Variants in PDE8B observed in about 807,000 individuals in gnomAD.
The protein encoded by PDE8B is high affinity cAMP-specific and IBMX-insensitive 3',5'-cyclic phosphodiesterase 8B.
A neutral mutation model predicts 101.3 loss-of-function variants in PDE8B; 26 were observed. The ratio of observed to expected loss-of-function variants is 0.26; its 90% CI spans 0.19 to 0.36. PDE8B has a LOEUF of 0.36. PDE8B is among the 10% of genes least tolerant of loss of function. The pLI is 1.00. For synonymous variants in PDE8B, 424 were observed against 429.3 expected, an observed-to-expected ratio of 0.99 and a Z score of 0.15; for missense variants, 810 against 1,163.1, an observed-to-expected ratio of 0.70 and a Z score of 4.42.
the PDE8B span, among the ~76,000 whole-genome samples, chr5:77,195,699 A>G: frequency 6.6e-6 from 1 of 152,198 alleles, no homozygotes; most frequent in African/African-American, 2.4e-5. Context: ...CATATTTTGC[A>G]TGTTATATAT....
chr5:77,178,676 G>C, the PDE8B span, among the ~76,000 whole-genome samples: 1 of 152,112 alleles, frequency 6.6e-6, no homozygotes, highest in East Asian at 1.9e-4. Flanking sequence ...GTTTCTGTGG[G>C]TCAGAGCCTG....
intron 1 of PDE8B, among the ~76,000 whole-genome samples, chr5:77,264,363 C>A (rs571901129): frequency 3.8e-4 from 58 of 152,270 alleles, no homozygotes; most frequent in African/African-American, 1.3e-3. Context: ...ACAGTTGTAC[C>A]ATTTTATATT....
rs144774158 is a variant in PDE8B at position 77,418,405 on chromosome 5, G to A, written c.2088G>A (p.Thr696=). 8 of 1,614,020 alleles carry A rather than the reference G, an allele frequency of 5.0e-6. No individual in the cohort carries two copies. The highest frequency in any genetic ancestry group is 2.2e-5 in the South Asian group (2 of 91,082). ...SHHTALAFQL[T]VKDTKCNIFK... is the part of the protein sequence containing the mutation. ...ACACCGCCCTGGCCTTCCAGCTCAC[G>A]GTCAAGGACACCAAATGCAACATTT... The change falls in exon 18 of 22, where the codon ACG becomes ACA. Residue 696 remains threonine, a synonymous_variant. Transcript: ENST00000264917.
intron 10 of PDE8B, among the ~76,000 whole-genome samples, chr5:77,391,426 T>C (rs990884643): frequency 6.6e-6 from 1 of 152,178 alleles, no homozygotes; most frequent in South Asian, 2.1e-4. Flanking sequence ...GTTATCTCCA[T>C]GCTGGGTTGC....
chr5:77,267,920 A>G (rs1447968743), intron 1 of PDE8B, among the ~76,000 whole-genome samples: 1 of 152,240 alleles, frequency 6.6e-6, no homozygotes, highest in South Asian at 2.1e-4. Context: ...TGAGATTACA[A>G]TAAGATGTTT....
intron 1 of PDE8B, chr5:77,291,662 A>T: frequency 6.3e-7 from 1 of 1,596,436 alleles, no homozygotes; most frequent in Non-Finnish European, 8.6e-7. Context: ...CTGAGATTGG[A>T]GGTGCCTTTG....
intron 20 of PDE8B, 57 bp downstream of exon 20, chr5:77,422,045 T>C (rs555645209): frequency 1.5e-4 from 226 of 1,532,638 alleles, no homozygotes; most frequent in Non-Finnish European, 2.0e-4. Flanking sequence ...AACTAGGTCA[T>C]GGAACTCCTG....
At chr5:77,104,087 C>T in the PDE8B span, among the ~76,000 whole-genome samples, 5 of 152,168 alleles carry the variant, frequency 3.3e-5, no homozygotes, top group African/African-American at 1.2e-4. Context: ...GGAGGAAGTA[C>T]CCTTCCTTCC....
chr5:77,251,539 C>T (rs905006864), intron 1 of PDE8B, among the ~76,000 whole-genome samples: 1 of 152,138 alleles, frequency 6.6e-6, no homozygotes, highest in Non-Finnish European at 1.5e-5. Flanking sequence ...TGTTGGTTCT[C>T]CTGAGTCCAT....
chr5:77,104,081 G>A, the PDE8B span, among the ~76,000 whole-genome samples: 2 of 152,146 alleles, frequency 1.3e-5, no homozygotes, highest in African/African-American at 4.8e-5. Context: ...TACTTGGGAG[G>A]AAGTACCCTT....
chr5:77,426,496 A>G lies in PDE8B; in HGVS notation c.2600A>G (p.His867Arg). 1 of 1,613,906 alleles carries G rather than the reference A, an allele frequency of 6.2e-7. No homozygotes were observed. The highest frequency in any genetic ancestry group is 8.5e-7 in the Non-Finnish European group (1 of 1,179,794). Residue 867 changes from histidine (H) to arginine (R), a missense_variant, in exon 22 of 22, where the codon CAC becomes CGC. Coordinates refer to ENST00000264917, the MANE Select transcript of PDE8B (RefSeq NM_003719.5). ...CAACATTTGGCTGACAACTACAAAC[A>G]CTGGAAGACACTAGATGACCTAAAG... ...LMQHLADNYK[H>R]WKTLDDLKCK...
upstream of PDE8B, chr5:77,210,665 T>G: frequency 1.0e-6 from 1 of 980,178 alleles, no homozygotes; most frequent in African/African-American, 1.8e-5. The surrounding 1 kb of genome is among the most constrained non-coding windows in gnomAD (Gnocchi z 4.9). Flanking sequence ...CGGCCGCTGG[T>G]GCGCGCGGGG....
chr5:77,277,544 A>G (rs1465983196), intron 1 of PDE8B, among the ~76,000 whole-genome samples: 1 of 152,242 alleles, frequency 6.6e-6, no homozygotes, highest in African/African-American at 2.4e-5. Context: ...CATGAAAAAC[A>G]TATATTCTCT....
intron 1 of PDE8B, among the ~76,000 whole-genome samples, chr5:77,263,863 T>C (rs184921893): frequency 5.8e-4 from 88 of 152,300 alleles, no homozygotes; most frequent in Non-Finnish European, 1.0e-3. Flanking sequence ...TGTGCAACCA[T>C]CACCATAATC....
At chr5:77,267,212 G>C (rs544247400) in intron 1 of PDE8B, among the ~76,000 whole-genome samples, 1 of 152,122 alleles carries the variant, frequency 6.6e-6, no homozygotes, top group East Asian at 1.9e-4. Context: ...GGCCAAGGTG[G>C]GTGGATCAAG....
chr5:77,359,018 T>G lies in PDE8B; in HGVS notation c.1167+5612T>G, dbSNP rs901060487. Among the ~76,000 whole-genome samples the G allele has an allele frequency of 3.9e-5, 6 of 152,162 alleles. No homozygotes were observed. In the East Asian group the frequency reaches 1.2e-3, roughly 29 times the overall value. On this transcript the variant is annotated intron_variant, in intron 10 of 21. Transcript: ENST00000264917. The stretch of plus-strand genomic sequence containing the variant: ...GATATTGCGAAACCACATTTTTTTT[T>G]CCTGAGAAACCACGTTTGGAACAGC...
intron 1 of PDE8B, among the ~76,000 whole-genome samples, chr5:77,260,264 C>G (rs1370445203): frequency 6.6e-6 from 1 of 151,472 alleles, no homozygotes; most frequent in Non-Finnish European, 1.5e-5. Context: ...ATTCAGGATT[C>G]TTTTGAAAAG....
chr5:77,198,015 C>G, the PDE8B span, among the ~76,000 whole-genome samples: 2 of 151,772 alleles, frequency 1.3e-5, no homozygotes, highest in Non-Finnish European at 2.9e-5. Flanking sequence ...CTTGGGATAT[C>G]TAGTGATTTT....
At chr5:77,266,491 G>A (rs1041005028) in intron 1 of PDE8B, among the ~76,000 whole-genome samples, 12 of 152,212 alleles carry the variant, frequency 7.9e-5, no homozygotes, top group Admixed American at 2.0e-4. Flanking sequence ...GAAAGCACAT[G>A]TGTTAGACGA....
Sources: allele counts gnomAD v4.1 joint callset (sites outside exome capture counted in the v4.1 genomes callset), GRCh38; gene constraint gnomAD v4.1.1; non-coding constraint Gnocchi (gnomAD v3.1); transcripts MANE v1.5; gene names NCBI Gene and HGNC (gene_info 2026-07-23, HGNC 2026-07-21).